TNRC6A: variants seen among roughly 807,000 people sequenced by gnomAD.
The protein encoded by TNRC6A is trinucleotide repeat containing adaptor 6A.
A neutral mutation model predicts 221.2 loss-of-function variants in TNRC6A; 44 were observed. The observed-to-expected ratio is 0.20, with a 90% CI of 0.16 to 0.26. The LOEUF (loss-of-function observed/expected upper bound fraction) is 0.26, where lower values mean the gene tolerates loss of function less well. Among genes scored for constraint, TNRC6A ranks in the 10% least tolerant of loss-of-function variants. The pLI is 1.00. For synonymous variants in TNRC6A, 847 were observed against 838.5 expected (o/e 1.01, Z -0.18); for missense variants, 2,199 against 2,404.4 (o/e 0.91, Z 1.79).
Position 24,774,134 on chromosome 16 carries a change from T to C in TNRC6A, c.164-2799T>C, listed in dbSNP as rs543059534. Among the ~76,000 whole-genome samples, 5 of 152,274 alleles carry C rather than the reference T, an allele frequency of 3.3e-5. No individual in the cohort carries two copies. The South Asian group carries it at 1.0e-3, about 32-fold the overall frequency. ...TTTTCCCCCCTTCCAGTGGTTTGGG[T>C]GATTATGAACATAGTTAACTTAAAA... On this transcript the variant is annotated intron_variant, in intron 4 of 24. Coordinates refer to ENST00000395799, the MANE Select transcript of TNRC6A (RefSeq NM_014494.4).
chr16:24,664,809 ACAC>A (rs1567336996), intron 2 of TNRC6A: 1 of 445,760 alleles, frequency 2.2e-6, no homozygotes, highest in East Asian at 7.3e-5. Flanking sequence ...ACACACACAC[ACAC>A]AAAACCTATA....
Position 24,789,584 on chromosome 16 carries a change from T to G in TNRC6A, c.942T>G (p.Gly314=). The change falls in exon 6 of 25, where the codon GGT becomes GGG. Residue 314 remains glycine, a synonymous_variant. Coordinates refer to ENST00000395799, the MANE Select transcript of TNRC6A (RefSeq NM_014494.4). ...VGHGSSTGPW[G]FSHGAIISTC... Reference sequence around the variant, plus strand: ...ATGGAAGTAGTACTGGGCCATGGGGTTTTTCCCATGGAGCCATAATAAGCA... The same window carrying G: ...ATGGAAGTAGTACTGGGCCATGGGGGTTTTCCCATGGAGCCATAATAAGCA... The G allele has an allele frequency of 3.1e-6, 5 of 1,613,712 alleles. No homozygotes were observed. The highest frequency in any genetic ancestry group is 1.7e-5 in the Admixed American group (1 of 59,976).
intron 2 of TNRC6A, among the ~76,000 whole-genome samples, chr16:24,646,749 T>C (rs976207639): frequency 1.3e-5 from 2 of 152,164 alleles, no homozygotes; most frequent in Non-Finnish European, 2.9e-5. Context: ...TGGAAGACCT[T>C]TTTGAATAAA....
chr16:24,783,775 G>A (rs2057905841), intron 5 of TNRC6A, among the ~76,000 whole-genome samples: 1 of 152,102 alleles, frequency 6.6e-6, no homozygotes, highest in African/African-American at 2.4e-5. Flanking sequence ...CTGGAAAGCT[G>A]AGTGATAATA....
chr16:24,794,519 C>G, intron 7 of TNRC6A, 25 bp from the exon 8 acceptor site: 1 of 1,595,360 alleles, frequency 6.3e-7, no homozygotes, highest in East Asian at 2.2e-5. Flanking sequence ...GTATGTTTCT[C>G]TTTATATCAC....
intron 5 of TNRC6A, among the ~76,000 whole-genome samples, chr16:24,786,050 C>A (rs1329460741): frequency 6.6e-6 from 1 of 152,130 alleles, no homozygotes; most frequent in Non-Finnish European, 1.5e-5. Flanking sequence ...AATTTATACT[C>A]TGTTGGAGTG....
chr16:24,756,228 G>A (rs2057247274), intron 3 of TNRC6A, among the ~76,000 whole-genome samples: 1 of 152,146 alleles, frequency 6.6e-6, no homozygotes, highest in South Asian at 2.1e-4. Flanking sequence ...TCTCAGTTCA[G>A]ACTAGCCACA....
In TNRC6A at chr16:24,818,984, C is replaced by T. The variant is rs556374738; in HGVS notation, c.5080+284C>T. Reference sequence around the variant, plus strand: ...TCCAAACTAGTTCTCAGACTATCTGCAGCGGAGGATCTTTAAAAAAAAAAA... The same window carrying T: ...TCCAAACTAGTTCTCAGACTATCTGTAGCGGAGGATCTTTAAAAAAAAAAA... On this transcript the variant is annotated intron_variant, in intron 21 of 24. Coordinates refer to ENST00000395799, the MANE Select transcript of TNRC6A (RefSeq NM_014494.4). 1.1e-4 allele frequency among the ~76,000 whole-genome samples: 16 copies of T among 150,350 alleles called. No homozygotes were observed. In the South Asian group the frequency reaches 1.3e-3, roughly 12 times the overall value.
At chr16:24,685,635 A>G (rs1020268059) in intron 2 of TNRC6A, among the ~76,000 whole-genome samples, 3 of 152,306 alleles carry the variant, frequency 2.0e-5, no homozygotes, top group Admixed American at 6.5e-5. Context: ...CACCGTGCGC[A>G]GCCACATTGT....
chr16:24,657,116 C>T (rs762424421), intron 2 of TNRC6A, among the ~76,000 whole-genome samples: 10 of 151,460 alleles, frequency 6.6e-5, no homozygotes, highest in East Asian at 3.9e-4. Context: ...AGTTGGAGAA[C>T]GGCCTGGGAG....
At position 24,805,217 on chromosome 16, in the gene TNRC6A, G is replaced by A; in HGVS notation, c.4122+66G>A. 2.5e-6 allele frequency: 4 copies of A among 1,580,548 alleles called. No individual in the cohort carries two copies. In the South Asian group the frequency reaches 4.5e-5, roughly 18 times the overall value. Reference sequence around the variant, plus strand: ...AAGGATCTTGCATGATTTTGTATTTGAATAAAATGGCTAACTAAGCATTAT... The same window carrying A: ...AAGGATCTTGCATGATTTTGTATTTAAATAAAATGGCTAACTAAGCATTAT... On this transcript the variant is annotated intron_variant, in intron 14 of 24. Coordinates refer to ENST00000395799, the MANE Select transcript of TNRC6A (RefSeq NM_014494.4).
chr16:24,766,674 CTTTT>C (rs397972605), intron 4 of TNRC6A, among the ~76,000 whole-genome samples: 2 of 121,406 alleles, frequency 1.6e-5, no homozygotes, highest in Non-Finnish European at 1.7e-5. Flanking sequence ...TTCTTTTTAT[CTTTT>C]TTTTTTTTTT....
intron 4 of TNRC6A, among the ~76,000 whole-genome samples, chr16:24,774,390 T>A (rs1348711429): frequency 6.6e-6 from 1 of 152,234 alleles, no homozygotes. Flanking sequence ...AATACCTATC[T>A]CAGCTTTGTA....
chr16:24,774,204 A>G (rs1450462977), intron 4 of TNRC6A, among the ~76,000 whole-genome samples: 3 of 152,192 alleles, frequency 2.0e-5, no homozygotes, highest in Admixed American at 2.0e-4. Context: ...CAGTATTGAT[A>G]TTTGTTACCT....
intron 4 of TNRC6A, among the ~76,000 whole-genome samples, chr16:24,760,431 T>G (rs954725026): frequency 6.6e-6 from 1 of 152,236 alleles, no homozygotes; most frequent in South Asian, 2.1e-4. Context: ...ATATTTAGTC[T>G]TCTTGTTTTT....
At chr16:24,699,446 G>A (rs1321280990) in intron 2 of TNRC6A, among the ~76,000 whole-genome samples, 1 of 152,148 alleles carries the variant, frequency 6.6e-6, no homozygotes, top group Non-Finnish European at 1.5e-5. Context: ...GACCAGGCAC[G>A]ATGTCTCACA....
intron 2 of TNRC6A, among the ~76,000 whole-genome samples, chr16:24,715,066 C>T (rs748223050): frequency 5.3e-5 from 8 of 150,466 alleles, no homozygotes; most frequent in South Asian, 2.1e-4. Flanking sequence ...TTAGTAGAGA[C>T]GGGGTTTCAC....
rs755847764 is a variant in TNRC6A, at chr16:24,791,050, G to T, written c.2408G>T (p.Gly803Val). ...GDSKGSNCQG[G>V]WEDDSAATGM... ...TCCAAAGGCTCAAACTGCCAGGGGG[G>T]GTGGGAAGATGATTCTGCTGCTACA... Residue 803 changes from glycine (G) to valine (V), a missense_variant, in exon 6 of 25, where the codon GGG (glycine) becomes GTG (valine). Gly to Val is a moderately radical substitution (Grantham distance 109). Transcript: ENST00000395799. The T allele has an allele frequency of 6.3e-6, 10 of 1,596,764 alleles. No homozygotes were observed. The East Asian group carries it at 8.9e-5, about 14-fold the overall frequency.
chr16:24,726,768 G>A (rs1364505086), upstream of TNRC6A, among the ~76,000 whole-genome samples: 2 of 152,092 alleles, frequency 1.3e-5, no homozygotes, highest in African/African-American at 2.4e-5. Context: ...GTGTGGTGAT[G>A]GGAAATATTC....
Sources: gnomAD v4.1 joint callset for allele counts (sites outside exome capture counted in the v4.1 genomes callset) on GRCh38, gnomAD v4.1.1 for gene constraint, MANE v1.5 for transcripts, NCBI Gene and HGNC (gene_info 2026-07-23, HGNC 2026-07-21) for gene names.